The following PDZRN3 variants were observed in gnomAD, a reference collection of about 807,000 sequenced individuals.
PDZRN3 encodes E3 ubiquitin-protein ligase PDZRN3.
PDZRN3 carries 38 observed loss-of-function variants against 85.7 expected under a neutral mutation model. That is an observed-to-expected ratio of 0.44 (90% CI 0.34 to 0.58). The LOEUF is 0.58. Among genes scored for constraint, PDZRN3 ranks in the 20% least tolerant of loss-of-function variants. The probability of loss-of-function intolerance (pLI) is 0.01; values close to 1 mark genes in which losing one functional copy is unlikely to be tolerated. For missense variants in PDZRN3, 1,629 were observed against 1,506.4 expected (o/e 1.08, Z -1.35); for synonymous variants, 759 against 638.0 (o/e 1.19, Z -2.86).
Position 73,391,175 on chromosome 3 carries a change from G to A in PDZRN3, c.1255-59C>T, listed in dbSNP as rs1576026334. 6.0e-6 allele frequency: 6 copies of A among 992,566 alleles called. No homozygotes were observed. The East Asian group carries it at 1.4e-4, about 24-fold the overall frequency. The allele number at this position is 992,566 out of a possible 1,614,324, so 61.5% of individuals were successfully genotyped here. A position where few individuals can be genotyped will look rare whatever the true frequency, so the allele number is the denominator to read the frequency against. ...AGCAGGCAATGCGAGTTGAGGGGAT[G>A]TCAAATGCTTTAAAAATATTATCTT... On this transcript the variant is annotated intron_variant, in intron 5 of 9. Coordinates refer to ENST00000263666, the MANE Select transcript of PDZRN3 (RefSeq NM_015009.3).
intron 3 of PDZRN3, among the ~76,000 whole-genome samples, chr3:73,528,763 A>C (rs1056387439): frequency 6.6e-6 from 1 of 152,158 alleles, no homozygotes; most frequent in Non-Finnish European, 1.5e-5. Context: ...ATATTGGTAA[A>C]GAATTTCTTG....
At chr3:73,588,574 C>A (rs1300996636) in intron 3 of PDZRN3, among the ~76,000 whole-genome samples, 1 of 152,118 alleles carries the variant, frequency 6.6e-6, no homozygotes, top group Non-Finnish European at 1.5e-5. Flanking sequence ...ACTTCTACTC[C>A]CACTAATTAG....
intron 3 of PDZRN3, chr3:73,433,897 C>T (rs965703330): frequency 6.0e-5 from 86 of 1,430,330 alleles, no homozygotes; most frequent in Non-Finnish European, 7.5e-5. Flanking sequence ...TTCCCTTCCT[C>T]CCCTCGCAGC....
Position 73,388,529 on chromosome 3 carries a change from ACTT to A in PDZRN3, c.1417-463_1417-461del, listed in dbSNP as rs529949278. Among the ~76,000 whole-genome samples, 20 of 152,298 alleles carry A rather than the reference ACTT, an allele frequency of 1.3e-4. No homozygotes were observed. The East Asian group carries it at 3.9e-3, about 29-fold the overall frequency. ...TTTGTGTCCCCAGTTTGACACTTAA[ACTT>A]CTTTGGGCCAGGCGGAGGGTCAAGT... On this transcript the variant is annotated intron_variant, in intron 7 of 9. Transcript: ENST00000263666.
chr3:73,622,260 G>C (rs1390922514), intron 1 of PDZRN3, among the ~76,000 whole-genome samples: 1 of 152,202 alleles, frequency 6.6e-6, no homozygotes, highest in Non-Finnish European at 1.5e-5. Context: ...GACTGCAGCT[G>C]ACAGACAGGC....
intron 3 of PDZRN3, among the ~76,000 whole-genome samples, chr3:73,515,422 T>C (rs1286975970): frequency 6.6e-6 from 1 of 152,104 alleles, no homozygotes; most frequent in African/African-American, 2.4e-5. Flanking sequence ...GTGATCTGCC[T>C]GCCTCGGCCT....
chr3:73,583,186 A>G (rs1211696954), intron 3 of PDZRN3, among the ~76,000 whole-genome samples: 1 of 152,190 alleles, frequency 6.6e-6, no homozygotes, highest in Non-Finnish European at 1.5e-5. Flanking sequence ...TGTCGTGCTC[A>G]TTTTTCAGGC....
chr3:73,593,303 G>A (rs943910457), intron 3 of PDZRN3, among the ~76,000 whole-genome samples: 1 of 152,036 alleles, frequency 6.6e-6, no homozygotes, highest in African/African-American at 2.4e-5. Context: ...TGCGGACATT[G>A]GTTACTTCTA....
intron 3 of PDZRN3, among the ~76,000 whole-genome samples, chr3:73,451,648 TA>T (rs1702864257): frequency 6.6e-6 from 1 of 152,220 alleles, no homozygotes; most frequent in Non-Finnish European, 1.5e-5. Context: ...ACTACCTGGC[TA>T]AATGCTATTT....
chr3:73,399,718 C>A (rs979751606), intron 5 of PDZRN3, among the ~76,000 whole-genome samples: 1 of 152,068 alleles, frequency 6.6e-6, no homozygotes, highest in Non-Finnish European at 1.5e-5. Context: ...TGACAGCAAG[C>A]AGAAACAGTC....
intron 3 of PDZRN3, among the ~76,000 whole-genome samples, chr3:73,489,628 A>G (rs1414014190): frequency 1.5e-5 from 2 of 134,346 alleles, no homozygotes; most frequent in African/African-American, 5.6e-5. Flanking sequence ...GCTGGAGTGC[A>G]GTGGCATGAT....
chr3:73,547,104 C>T (rs567774136), intron 3 of PDZRN3, among the ~76,000 whole-genome samples: 27 of 152,242 alleles, frequency 1.8e-4, no homozygotes, highest in African/African-American at 5.5e-4. Context: ...GACAACAGCC[C>T]AAGTAAGGAA....
At chr3:73,434,472 T>A (rs1037058895) in intron 3 of PDZRN3, among the ~76,000 whole-genome samples, 1 of 152,206 alleles carries the variant, frequency 6.6e-6, no homozygotes, top group Non-Finnish European at 1.5e-5. Flanking sequence ...GATATATCCA[T>A]GAGTATGCAA....
chr3:73,566,529 G>A (rs545215888), intron 3 of PDZRN3, among the ~76,000 whole-genome samples: 1 of 152,302 alleles, frequency 6.6e-6, no homozygotes, highest in African/African-American at 2.4e-5. Context: ...TATCCATAAA[G>A]GGGGGTTCCA....
At chr3:73,565,006 A>C (rs1701912023) in intron 3 of PDZRN3, among the ~76,000 whole-genome samples, 2 of 152,156 alleles carry the variant, frequency 1.3e-5, no homozygotes, top group South Asian at 4.1e-4. Context: ...AAAGTTACCC[A>C]AGTACAGAGT....
intron 3 of PDZRN3, among the ~76,000 whole-genome samples, chr3:73,571,726 G>A (rs142847385): frequency 2.0e-3 from 306 of 152,286 alleles, no homozygotes; most frequent in Non-Finnish European, 3.5e-3. Context: ...CCCTGAGCAG[G>A]CGGCTCTCAC....
At chr3:73,518,324 A>C (rs1704290241) in intron 3 of PDZRN3, among the ~76,000 whole-genome samples, 1 of 152,126 alleles carries the variant, frequency 6.6e-6, no homozygotes, top group Admixed American at 6.6e-5. Context: ...CAGGAAGGAG[A>C]ATGGTGGTTG....
intron 3 of PDZRN3, among the ~76,000 whole-genome samples, chr3:73,512,105 A>ATTCT (rs1399699079): frequency 2.0e-5 from 3 of 152,228 alleles, no homozygotes; most frequent in African/African-American, 7.2e-5. Context: ...TGTCTCAAGA[A>ATTCT]GGCTTTCTAC....
intron 3 of PDZRN3, among the ~76,000 whole-genome samples, chr3:73,558,072 T>C (rs945142913): frequency 2.6e-5 from 4 of 151,934 alleles, no homozygotes; most frequent in Non-Finnish European, 5.9e-5. Context: ...ATCTTTAATA[T>C]ATGTTTTTTT....
Sources: gnomAD v4.1 joint callset for allele counts (sites outside exome capture counted in the v4.1 genomes callset) on GRCh38, gnomAD v4.1.1 for gene constraint, MANE v1.5 for transcripts, NCBI Gene and HGNC (gene_info 2026-07-23, HGNC 2026-07-21) for gene names.